The following NOTCH2 variants were observed in gnomAD, a reference collection of about 807,000 sequenced individuals.
NOTCH2 encodes the protein neurogenic locus notch homolog protein 2.
NOTCH2 carries 29 observed loss-of-function variants against 235.8 expected under a neutral mutation model. That is an observed-to-expected ratio of 0.12 (90% CI 0.09 to 0.17). The LOEUF (loss-of-function observed/expected upper bound fraction) is 0.17. NOTCH2 is among the 10% of genes least tolerant of loss of function. NOTCH2 has a pLI of 1.00. For missense variants in NOTCH2, 2,285 were observed against 3,150.2 expected, an observed-to-expected ratio of 0.73 and a Z score of 6.57; for synonymous variants, 1,086 against 1,141.5, an observed-to-expected ratio of 0.95 and a Z score of 0.98.
At chr1:120,005,051 G>A (rs200005918) in intron 3 of NOTCH2, among the ~76,000 whole-genome samples, 50 of 152,272 alleles carry the variant, frequency 3.3e-4, no homozygotes, top group Non-Finnish European at 5.9e-4. Context: ...GCCTGCCAAA[G>A]TGCTGGGATT....
intron 1 of NOTCH2, among the ~76,000 whole-genome samples, chr1:120,058,345 A>G (rs1553215589): frequency 2.7e-5 from 4 of 150,636 alleles, no homozygotes; most frequent in African/African-American, 7.3e-5. Context: ...CTCTACTAAA[A>G]CTACAAAAAA....
At position 119,983,448 on chromosome 1, in the gene NOTCH2, C is replaced by T. The variant is rs139227590; in HGVS notation, c.874+3512G>A. 2.9e-3 allele frequency among the ~76,000 whole-genome samples: 437 copies of T among 152,132 alleles called. 2 individuals carry two copies. Among genetic ancestry groups the T allele is most frequent in the African/African-American group, 0.01 (415 of 41,490 alleles). ...GATTAGAGGCATGAGCCACTGTGCCCGGCCATACTAAGTCTTCAAAATCAG... is the reference window on the plus strand; with the variant it reads ...GATTAGAGGCATGAGCCACTGTGCCTGGCCATACTAAGTCTTCAAAATCAG... On this transcript the variant is annotated intron_variant, in intron 5 of 33. Coordinates refer to ENST00000256646, the MANE Select transcript of NOTCH2 (RefSeq NM_024408.4).
In NOTCH2 at chr1:119,915,136, G is replaced by A. The variant is rs148183813; in HGVS notation, c.*170C>T. 198 of 706,850 alleles carry A rather than the reference G, an allele frequency of 2.8e-4. No homozygotes were observed. In the East Asian group the frequency reaches 4.4e-3, roughly 16 times the overall value. 43.8% of individuals were successfully genotyped at this position (706,850 alleles called of 1,614,324 possible). A position where few individuals can be genotyped will look rare whatever the true frequency, so the allele number is the denominator to read the frequency against. ...TCAATAAGCCTTGCAGATACCCAGTGAAACTGACGAATTGCTTCTCTTGCA... is the reference window on the plus strand; with the variant it reads ...TCAATAAGCCTTGCAGATACCCAGTAAAACTGACGAATTGCTTCTCTTGCA... On this transcript the variant is annotated 3_prime_UTR_variant, in exon 34 of 34. Transcript: ENST00000256646.
chr1:119,957,824 A>G (rs1650761134), intron 12 of NOTCH2, among the ~76,000 whole-genome samples: 1 of 144,850 alleles, frequency 6.9e-6, no homozygotes, highest in East Asian at 2.0e-4. Context: ...TAGAAGCCTT[A>G]TATAAACACA....
rs782672162 is a variant in NOTCH2 at position 120,005,477 on chromosome 1, C to T, written c.267G>A (p.Thr89=). ...CVAQAMLGKA[T]CRCASGFTGE... The stretch of plus-strand genomic sequence containing the variant: ...CTGTAAACCCTGAGGCACATCGGCA[C>T]GTGGCTTTCCCCAGCATGGCCTGGG... Residue 89 remains threonine (T), a synonymous_variant, in exon 3 of 34, where the codon ACG becomes ACA. Transcript: ENST00000256646. 3.3e-5 allele frequency: 54 copies of T among 1,613,596 alleles called. No individual in the cohort carries two copies. The Middle Eastern group carries it at 6.6e-4, about 20-fold the overall frequency.
rs762907328 is a variant in NOTCH2 at position 119,919,570 on chromosome 1, G to C, written c.5523C>G (p.Ser1841Arg). Residue 1841 changes from serine to arginine, a missense_variant, in exon 31 of 34, where the codon AGC becomes AGG. Ser to Arg is a moderately radical substitution (Grantham distance 110). Transcript: ENST00000256646. ...CTTCATCTTCATCACTCAAATCTGA[G>C]CTGCCTCCTCGGAGAGAAGCCAACA... ...PLMLASLRGG[S>R]SDLSDEDEDA... 1 of 1,614,046 alleles carries C rather than the reference G, an allele frequency of 6.2e-7. No individual in the cohort carries two copies. The highest frequency in any genetic ancestry group is 1.3e-5 in the African/African-American group (1 of 74,938).
chr1:119,952,428 A>T (rs1650515136), intron 14 of NOTCH2, among the ~76,000 whole-genome samples: 1 of 152,166 alleles, frequency 6.6e-6, no homozygotes, highest in Non-Finnish European at 1.5e-5. Context: ...TATAATGTAG[A>T]ATTGGTGGGA....
Position 119,922,244 on chromosome 1 carries a change from C to T in NOTCH2, c.5205G>A (p.Val1735=), listed in dbSNP as rs1649310946. Residue 1735 remains valine (V), a synonymous_variant, in exon 28 of 34, where the codon GTG becomes GTA. Coordinates refer to ENST00000256646, the MANE Select transcript of NOTCH2 (RefSeq NM_024408.4). ...KRREPVGQDA[V]GLKNLSVQVS... ...TTGGCAATGCCTCTTACTTCAGCCCCACAGCATCCTGTCCCACTGGCTCAC... is the reference window on the plus strand; with the variant it reads ...TTGGCAATGCCTCTTACTTCAGCCCTACAGCATCCTGTCCCACTGGCTCAC... 1 of 1,613,930 alleles carries T rather than the reference C, an allele frequency of 6.2e-7. No individual in the cohort carries two copies. Among genetic ancestry groups the T allele is most frequent in the Non-Finnish European group, 8.5e-7 (1 of 1,179,926 alleles).
intron 3 of NOTCH2, among the ~76,000 whole-genome samples, chr1:120,003,439 T>G (rs1357199750): frequency 6.6e-6 from 1 of 151,642 alleles, no homozygotes; most frequent in African/African-American, 2.4e-5. Flanking sequence ...ACATATATAT[T>G]CCATTAGTTC....
intron 5 of NOTCH2, among the ~76,000 whole-genome samples, chr1:119,984,763 T>C (rs1651947066): frequency 6.6e-6 from 1 of 152,174 alleles, no homozygotes; most frequent in Admixed American, 6.5e-5. Context: ...CATAACTCGG[T>C]ACATCCCTCA....
At position 120,003,962 on chromosome 1, in the gene NOTCH2, A is replaced by G. The variant is rs148307552; in HGVS notation, c.415+1367T>C. Among the ~76,000 whole-genome samples the G allele has an allele frequency of 9.2e-3, 1,398 of 152,244 alleles. 7 individuals carry two copies. The highest frequency in any genetic ancestry group is 0.032 in the African/African-American group (1,344 of 41,496). On this transcript the variant is annotated intron_variant, in intron 3 of 33. Coordinates refer to ENST00000256646, the MANE Select transcript of NOTCH2 (RefSeq NM_024408.4). The stretch of plus-strand genomic sequence containing the variant: ...GGGAGGCCAGGCTACAAAAAGATGT[A>G]AAGTCTAGGCTGTAGAGAGCTATGG...
At chr1:120,040,813 G>A (rs1247044202) in intron 1 of NOTCH2, among the ~76,000 whole-genome samples, 18 of 149,606 alleles carry the variant, frequency 1.2e-4, no homozygotes, top group Admixed American at 2.7e-4. Flanking sequence ...CGAGGTGGGC[G>A]GATCACGAGG....
At chr1:119,928,432 G>T (rs1266703970) in intron 23 of NOTCH2, among the ~76,000 whole-genome samples, 1 of 152,174 alleles carries the variant, frequency 6.6e-6, no homozygotes, top group Non-Finnish European at 1.5e-5. Context: ...AGATCATGGT[G>T]GCAGGAACTA....
At chr1:119,963,988 G>T (rs1331275847) in intron 10 of NOTCH2, among the ~76,000 whole-genome samples, 181 bp from the exon 11 acceptor site, 1 of 152,178 alleles carries the variant, frequency 6.6e-6, no homozygotes, top group Non-Finnish European at 1.5e-5. Flanking sequence ...GGAGAGAGGT[G>T]CTTAAAATAA....
intron 1 of NOTCH2, among the ~76,000 whole-genome samples, chr1:120,065,509 T>C (rs1553216936): frequency 6.6e-6 from 1 of 152,216 alleles, no homozygotes; most frequent in Non-Finnish European, 1.5e-5. Flanking sequence ...GGACAGTGAA[T>C]GAGGCACTGG....
At chr1:119,987,550 G>A (rs923344531) in intron 4 of NOTCH2, among the ~76,000 whole-genome samples, 1 of 152,222 alleles carries the variant, frequency 6.6e-6, no homozygotes, top group East Asian at 1.9e-4. Flanking sequence ...AAGGGAGTGG[G>A]GGAGGATATA....
intron 3 of NOTCH2, among the ~76,000 whole-genome samples, chr1:120,001,461 A>G (rs1553205369): frequency 6.6e-6 from 1 of 152,182 alleles, no homozygotes; most frequent in African/African-American, 2.4e-5. Flanking sequence ...ATTTGTGCTC[A>G]TGCCCCAACT....
intron 15 of NOTCH2, chr1:119,950,496 A>G: frequency 1.5e-6 from 1 of 669,226 alleles, no homozygotes; most frequent in Middle Eastern, 2.4e-4. Context: ...AATTTCTTTC[A>G]AATACTAAAG....
At chr1:119,950,693 T>A in intron 15 of NOTCH2, 31 bp downstream of exon 15, 5 of 1,391,350 alleles carry the variant, frequency 3.6e-6, no homozygotes, top group Non-Finnish European at 5.1e-6. Context: ...AAGTATCCCC[T>A]CTGGTCCCTG....
Sources: gnomAD v4.1 joint callset for allele counts (sites outside exome capture counted in the v4.1 genomes callset) on GRCh38, gnomAD v4.1.1 for gene constraint, MANE v1.5 for transcripts, NCBI Gene and HGNC (gene_info 2026-07-23, HGNC 2026-07-21) for gene names.